The following ZDHHC1 variants were observed in gnomAD, a reference collection of about 807,000 sequenced individuals.
The protein encoded by ZDHHC1 is zDHHC palmitoyltransferase 1.
Under a neutral mutation model 46.9 loss-of-function variants are expected in ZDHHC1, and 45 were observed. The observed-to-expected ratio is 0.96, with a 90% confidence interval of 0.76 to 1.23. ZDHHC1 has a LOEUF of 1.23. Ranked by LOEUF, ZDHHC1 falls within the 50% of genes most tolerant of loss-of-function variation. The pLI is 0.00. For synonymous variants in ZDHHC1, 291 were observed against 286.0 expected (o/e 1.02, Z -0.18); for missense variants, 649 against 670.8 (o/e 0.97, Z 0.36).
At position 67,398,881 on chromosome 16, in the gene ZDHHC1, T is replaced by C. The variant is rs773957524; in HGVS notation, c.594A>G (p.Thr198=). ...LGVLLLVLVA[T]YVFVEFFVNP... ...TGACAAAGAACTCCACGAAGACATA[T>C]GTGGCCACCAGCACCAGGAGCAGGA... Residue 198 remains threonine, a synonymous_variant, in exon 6 of 12, where the codon ACA becomes ACG. Transcript: ENST00000565726. 1.2e-6 allele frequency: 2 copies of C among 1,613,340 alleles called. No homozygotes were observed. Among genetic ancestry groups the C allele is most frequent in the Admixed American group, 1.7e-5 (1 of 59,894 alleles).
intron 1 of ZDHHC1, among the ~76,000 whole-genome samples, chr16:67,411,651 GA>G (rs1243617822): frequency 1.3e-5 from 2 of 151,698 alleles, no homozygotes; most frequent in Non-Finnish European, 2.9e-5. Context: ...AATAATAAAG[GA>G]CAAAAGACAA....
At position 67,401,213 on chromosome 16, in the gene ZDHHC1, C is replaced by T. The variant is rs1417197839; in HGVS notation, c.253-81G>A. On this transcript the variant is annotated intron_variant, in intron 3 of 11. Coordinates refer to ENST00000565726, the MANE Select transcript of ZDHHC1 (RefSeq NM_001323627.2). The surrounding 1 kb of genome is among the most constrained non-coding windows in gnomAD (Gnocchi z 4.6). ...TTCCTTGCAGCCAGAGAACTCCCCA[C>T]TGCCATGCCAGCCCGCTTTGTGCAG... The T allele has an allele frequency of 3.2e-6, 5 of 1,549,004 alleles. No individual in the cohort carries two copies. The highest frequency in any genetic ancestry group is 2.5e-5 in the South Asian group (2 of 81,544).
At chr16:67,399,737 A>G (rs567359728) in intron 4 of ZDHHC1, among the ~76,000 whole-genome samples, 17 of 152,214 alleles carry the variant, frequency 1.1e-4, no homozygotes, top group Admixed American at 1.0e-3. Context: ...CTGATGCGCC[A>G]TGAAACAGAA....
intron 3 of ZDHHC1, among the ~76,000 whole-genome samples, chr16:67,403,453 G>A (rs954832540): frequency 2.6e-5 from 4 of 152,164 alleles, no homozygotes; most frequent in African/African-American, 9.7e-5. Context: ...ATTTAGCTGC[G>A]TGTTGGGAGC....
intron 1 of ZDHHC1, among the ~76,000 whole-genome samples, chr16:67,412,183 G>T (rs1194285372): frequency 6.6e-6 from 1 of 151,982 alleles, no homozygotes; most frequent in Non-Finnish European, 1.5e-5. Flanking sequence ...ATTTTCTCCA[G>T]AATGAAATGC....
intron 1 of ZDHHC1, among the ~76,000 whole-genome samples, chr16:67,411,311 C>T (rs1190327587): frequency 2.0e-5 from 3 of 152,072 alleles, no homozygotes; most frequent in Admixed American, 6.6e-5. Context: ...GAGGAGAAAG[C>T]GACGGGGTTG....
intron 4 of ZDHHC1, 53 bp from the exon 5 acceptor site, chr16:67,399,509 G>A: frequency 6.6e-7 from 1 of 1,505,062 alleles, no homozygotes; most frequent in South Asian, 1.2e-5. Flanking sequence ...CCGCTCTGCG[G>A]CCCGGCCGGT....
chr16:67,412,776 T>C (rs148155752), intron 1 of ZDHHC1, among the ~76,000 whole-genome samples: 68 of 152,274 alleles, frequency 4.5e-4, no homozygotes, highest in African/African-American at 1.6e-3. Flanking sequence ...GTGGTTTCCA[T>C]GTGAGAGATT....
chr16:67,398,071 C>A, intron 8 of ZDHHC1, 141 bp downstream of exon 8: 1 of 805,102 alleles, frequency 1.2e-6, no homozygotes. Context: ...AGCAGGCACA[C>A]GCTCAGCACA....
intron 1 of ZDHHC1, among the ~76,000 whole-genome samples, chr16:67,413,348 C>T (rs145124960): frequency 0.015 from 2,233 of 152,294 alleles, 26 homozygotes; most frequent in Middle Eastern, 0.082. Flanking sequence ...CCCAGTTGAA[C>T]TACCTAAAGG....
At chr16:67,399,795 C>A (rs1443802314) in intron 4 of ZDHHC1, among the ~76,000 whole-genome samples, 1 of 152,178 alleles carries the variant, frequency 6.6e-6, no homozygotes, top group Non-Finnish European at 1.5e-5. Flanking sequence ...CCAGAAGATG[C>A]AGGTGTGGGC....
rs747227558 is a variant in ZDHHC1 at position 67,401,056 on chromosome 16, A to G, written c.329T>C (p.Val110Ala). 5 of 1,614,020 alleles carry G rather than the reference A, an allele frequency of 3.1e-6. No individual in the cohort carries two copies. Among genetic ancestry groups the G allele is most frequent in the Non-Finnish European group, 3.4e-6 (4 of 1,180,028 alleles). ...AVSIDPADANVRDKSYAGPLP... is the reference protein window; with the variant it reads ...AVSIDPADANARDKSYAGPLP... ...GGGCCCCGCATAGCTCTTGTCCCGC[A>G]CGTTGGCATCTGCTGGATCGATGGA... Residue 110 changes from valine (V) to alanine (A), a missense_variant, in exon 4 of 12, where the codon GTG (valine) becomes GCG (alanine). By Grantham distance (64) the Val-to-Ala change is moderately conservative. Coordinates refer to ENST00000565726, the MANE Select transcript of ZDHHC1 (RefSeq NM_001323627.2). The surrounding 1 kb of genome is among the most constrained non-coding windows in gnomAD (Gnocchi z 4.6).
At chr16:67,407,694 C>T in intron 2 of ZDHHC1, 73 bp downstream of exon 2, 1 of 778,168 alleles carries the variant, frequency 1.3e-6, no homozygotes, top group South Asian at 1.4e-5. Context: ...TCCCCAAAGG[C>T]AGCAAATGTG....
At chr16:67,402,506 T>G (rs1352083781) in intron 3 of ZDHHC1, among the ~76,000 whole-genome samples, 1 of 152,196 alleles carries the variant, frequency 6.6e-6, no homozygotes, top group Non-Finnish European at 1.5e-5. Flanking sequence ...TTCTCCCGCC[T>G]CACCCCCAGG....
chr16:67,399,267 G>T (rs2040497796), intron 5 of ZDHHC1, 88 bp downstream of exon 5: 3 of 1,240,176 alleles, frequency 2.4e-6, no homozygotes, highest in Non-Finnish European at 3.4e-6. Context: ...CCCCATCCCC[G>T]CCCGCCTGCC....
At chr16:67,398,798 T>C (rs776668404) in intron 6 of ZDHHC1, 22 bp downstream of exon 6, 1 of 1,612,430 alleles carries the variant, frequency 6.2e-7, no homozygotes, top group African/African-American at 1.3e-5. Flanking sequence ...GGGGTGAGAA[T>C]AGGCCCGGAG....
chr16:67,404,501 T>G, intron 3 of ZDHHC1: 2 of 328,274 alleles, frequency 6.1e-6, no homozygotes, highest in South Asian at 4.9e-5. Context: ...AAAGAAGGCT[T>G]TGATGGAAGG....
In ZDHHC1 at chr16:67,395,074, C is replaced by T. The variant is rs760970591; in HGVS notation, c.1105-12G>A. On this transcript the variant is annotated splice_polypyrimidine_tract_variant and intron_variant, in intron 10 of 11. Transcript: ENST00000565726. ...CTCTTCCTCTTTTTCTGCAGAGACA[C>T]GGGGGAGCCTGAGGGCCCCACATCG... The T allele has an allele frequency of 1.2e-6, 2 of 1,613,232 alleles. No homozygotes were observed. The highest frequency in any genetic ancestry group is 2.2e-5 in the East Asian group (1 of 44,860).
At chr16:67,411,190 G>A (rs924171948) in intron 1 of ZDHHC1, among the ~76,000 whole-genome samples, 3 of 152,138 alleles carry the variant, frequency 2.0e-5, no homozygotes, top group African/African-American at 4.8e-5. Flanking sequence ...GAGAGACTGC[G>A]GGCATCCCTG....
Sources: gnomAD v4.1 joint callset for allele counts (sites outside exome capture counted in the v4.1 genomes callset) on GRCh38, gnomAD v4.1.1 for gene constraint, Gnocchi (gnomAD v3.1) non-coding constraint, MANE v1.5 for transcripts, NCBI Gene and HGNC (gene_info 2026-07-23, HGNC 2026-07-21) for gene names.